Variants in DOCK10 observed in about 807,000 individuals in gnomAD.
DOCK10 encodes dedicator of cytokinesis protein 10.
Under a neutral mutation model 280.1 loss-of-function variants are expected in DOCK10, and 145 were observed. The ratio of observed to expected loss-of-function variants is 0.52; its 90% CI spans 0.45 to 0.59. DOCK10 has a LOEUF of 0.59. DOCK10 is among the 20% of genes least tolerant of loss of function. DOCK10 has a pLI of 0.00. For synonymous variants in DOCK10, 915 were observed against 942.2 expected, an observed-to-expected ratio of 0.97 and a Z score of 0.53; for missense variants, 2,368 against 2,651.7, an observed-to-expected ratio of 0.89 and a Z score of 2.35.
At position 224,867,861 on chromosome 2, in the gene DOCK10, C is replaced by A. The variant is rs538706225; in HGVS notation, c.1258-2774G>T. ...CAGGGGCATGAATACAGAAAATTCC[C>A]AGGTTTGAGGATAAAGGAAATGAAG... On this transcript the variant is annotated intron_variant, in intron 11 of 55. Coordinates refer to ENST00000258390, the MANE Select transcript of DOCK10 (RefSeq NM_014689.3). Among the ~76,000 whole-genome samples the A allele has an allele frequency of 8.5e-5, 13 of 152,194 alleles. No homozygotes were observed. In the South Asian group the frequency reaches 2.7e-3, roughly 32 times the overall value.
At chr2:224,856,025 T>C (rs1451756457) in intron 15 of DOCK10, among the ~76,000 whole-genome samples, 1 of 152,198 alleles carries the variant, frequency 6.6e-6, no homozygotes, top group Non-Finnish European at 1.5e-5. Flanking sequence ...CCTAACCCTA[T>C]GTTCAGTGAA....
chr2:224,967,744 C>A (rs1433534217), intron 1 of DOCK10, among the ~76,000 whole-genome samples: 4 of 151,042 alleles, frequency 2.6e-5, no homozygotes, highest in East Asian at 1.9e-4. Context: ...AAAAAAAAAA[C>A]CACATATATG....
chr2:224,778,298 T>C lies in DOCK10; in HGVS notation c.5656-14A>G, dbSNP rs1267875706. ...TTCAAAAAAGCCCTATGGAACATAA[T>C]GAACCACCAATTTTATTAGACAATG... is the stretch of plus-strand genomic sequence containing the variant. On this transcript the variant is annotated splice_polypyrimidine_tract_variant and intron_variant, in intron 50 of 55. Transcript: ENST00000258390. 2.5e-6 allele frequency: 4 copies of C among 1,591,536 alleles called. No homozygotes were observed. Among genetic ancestry groups the C allele is most frequent in the Non-Finnish European group, 3.4e-6 (4 of 1,167,486 alleles).
chr2:224,906,353 T>C (rs1387943679), intron 3 of DOCK10, among the ~76,000 whole-genome samples: 1 of 152,214 alleles, frequency 6.6e-6, no homozygotes, highest in African/African-American at 2.4e-5. Flanking sequence ...TAGTCTTCTA[T>C]CTGTCCAATT....
At chr2:224,878,527 T>C (rs993474146) in intron 7 of DOCK10, among the ~76,000 whole-genome samples, 2 of 152,204 alleles carry the variant, frequency 1.3e-5, no homozygotes, top group African/African-American at 2.4e-5. Flanking sequence ...TCTCCTTACT[T>C]GACATTGCCC....
intron 46 of DOCK10, 32 bp downstream of exon 46, chr2:224,793,368 G>A (rs1692338725): frequency 6.4e-7 from 1 of 1,574,368 alleles, no homozygotes; most frequent in South Asian, 1.1e-5. Flanking sequence ...TTGATATCTA[G>A]GCTTTTTGCC....
At chr2:224,953,322 GATTTCCCC>G (rs1400075995) in intron 1 of DOCK10, among the ~76,000 whole-genome samples, 1 of 152,086 alleles carries the variant, frequency 6.6e-6, no homozygotes, top group African/African-American at 2.4e-5. Flanking sequence ...ATTTCCAGTA[GATTTCCCC>G]ATTTGCCTGC....
At chr2:224,820,541 C>T (rs997102067) in intron 28 of DOCK10, among the ~76,000 whole-genome samples, 30 of 152,316 alleles carry the variant, frequency 2.0e-4, no homozygotes, top group Non-Finnish European at 4.4e-5. Flanking sequence ...GTGTGGAGTG[C>T]TTCTTTCTTG....
chr2:224,987,488 T>C (rs1421544797), intron 1 of DOCK10, among the ~76,000 whole-genome samples: 2 of 152,080 alleles, frequency 1.3e-5, no homozygotes, highest in Non-Finnish European at 2.9e-5. Flanking sequence ...GAAGGGCAAA[T>C]ACTTCCAGAA....
chr2:225,042,375 C>A lies in DOCK10; in HGVS notation c.-1G>T. On this transcript the variant is annotated 5_prime_UTR_variant, in exon 1 of 56. Transcript: ENST00000258390. This position sits in a 1 kb window ranked among gnomAD's most constrained non-coding sequence, Gnocchi z 5.1. ...ACCTGCGGGTCCGCTCACCGGCCAT[C>A]GCCGGTCACGCCAATCGCGCCGCGG... 1 of 1,253,392 alleles carries A rather than the reference C, an allele frequency of 8.0e-7. No homozygotes were observed. The highest frequency in any genetic ancestry group is 3.0e-5 in the South Asian group (1 of 33,364). The allele number at this position is 1,253,392 out of a possible 1,614,324, so 77.6% of individuals were successfully genotyped here. A position where few individuals can be genotyped will look rare whatever the true frequency, so the allele number is the denominator to read the frequency against.
At chr2:225,007,968 A>G (rs1222273118) in intron 1 of DOCK10, among the ~76,000 whole-genome samples, 1 of 151,746 alleles carries the variant, frequency 6.6e-6, no homozygotes, top group African/African-American at 2.4e-5. Context: ...TTTTTTTTCA[A>G]TGGAGTGGGG....
chr2:224,836,899 G>A (rs997868550), intron 25 of DOCK10, among the ~76,000 whole-genome samples: 25 of 143,744 alleles, frequency 1.7e-4, no homozygotes, highest in Middle Eastern at 3.2e-3. Context: ...ACGCTTGGCC[G>A]ATTTTTTTTT....
chr2:224,792,572 C>T lies in DOCK10; in HGVS notation c.5311+402G>A, dbSNP rs1050007943. ...TGCTGGGATTACAGGCGTGAGCCACCGCGCCTGGCCCTATCTTTTATTTGG... is the reference window on the plus strand; with the variant it reads ...TGCTGGGATTACAGGCGTGAGCCACTGCGCCTGGCCCTATCTTTTATTTGG... On this transcript the variant is annotated intron_variant, in intron 47 of 55. Coordinates refer to ENST00000258390, the MANE Select transcript of DOCK10 (RefSeq NM_014689.3). Among the ~76,000 whole-genome samples the T allele has an allele frequency of 4.6e-5, 7 of 152,140 alleles. No individual in the cohort carries two copies. The East Asian group carries it at 7.7e-4, about 17-fold the overall frequency.
At chr2:225,024,888 CAAAAAGAAA>C (rs1338025386) in intron 1 of DOCK10, among the ~76,000 whole-genome samples, 1 of 146,356 alleles carries the variant, frequency 6.8e-6, no homozygotes, top group Non-Finnish European at 1.5e-5. Flanking sequence ...AACTCTGTTT[CAAAAAGAAA>C]AAAAAGAAAA....
chr2:224,794,963 G>A lies in DOCK10; in HGVS notation c.5070C>T (p.Asn1690=), dbSNP rs755046319. The A allele has an allele frequency of 1.9e-6, 3 of 1,613,828 alleles. No homozygotes were observed. The highest frequency in any genetic ancestry group is 2.5e-6 in the Non-Finnish European group (3 of 1,179,872). ...GTAGTTCAGGAGTGCTTGCGTAGGA[G>A]TTTGCCAGGCTGTACTGGAGATCCA... The part of the protein sequence containing the change: ...MLVDLQYSLA[N]SYASTPELRR... The change falls in exon 45 of 56, where the codon AAC becomes AAT. Residue 1690 remains asparagine (N), a synonymous_variant. Coordinates refer to ENST00000258390, the MANE Select transcript of DOCK10 (RefSeq NM_014689.3).
At chr2:224,851,242 A>G (rs1696708694) in intron 18 of DOCK10, among the ~76,000 whole-genome samples, 1 of 152,162 alleles carries the variant, frequency 6.6e-6, no homozygotes, top group Non-Finnish European at 1.5e-5. Context: ...TTTAGAATGC[A>G]GTGAAGCAAG....
intron 47 of DOCK10, among the ~76,000 whole-genome samples, chr2:224,791,379 T>TAGGGTGCCAC (rs201047141): frequency 0.012 from 1,814 of 151,940 alleles, 26 homozygotes; most frequent in African/African-American, 0.042. Context: ...ATGGGTGCCA[T>TAGGGTGCCAC]AGGGTGCCAC....
chr2:224,782,281 C>T (rs1475187981), intron 50 of DOCK10, among the ~76,000 whole-genome samples: 1 of 152,100 alleles, frequency 6.6e-6, no homozygotes, highest in African/African-American at 2.4e-5. Context: ...GCAAGTACAC[C>T]CATATAGGCA....
intron 55 of DOCK10, among the ~76,000 whole-genome samples, chr2:224,768,310 G>A (rs1262157688): frequency 6.6e-6 from 1 of 152,192 alleles, no homozygotes; most frequent in Non-Finnish European, 1.5e-5. Context: ...AGATAGGTAT[G>A]TGAAGGTATT....
Sources: allele counts gnomAD v4.1 joint callset (sites outside exome capture counted in the v4.1 genomes callset), GRCh38; gene constraint gnomAD v4.1.1; non-coding constraint Gnocchi (gnomAD v3.1); transcripts MANE v1.5; gene names NCBI Gene and HGNC (gene_info 2026-07-23, HGNC 2026-07-21).